The following JMJD1C variants were observed in gnomAD, a reference collection of about 807,000 sequenced individuals.
JMJD1C encodes the protein jumonji domain containing 1C.
Under a neutral mutation model 245.3 loss-of-function variants are expected in JMJD1C, and 31 were observed. The observed-to-expected ratio is 0.13, with a 90% confidence interval of 0.09 to 0.17. The LOEUF (loss-of-function observed/expected upper bound fraction) is 0.17. Among genes scored for constraint, JMJD1C ranks in the 10% least tolerant of loss-of-function variants. The pLI is 1.00. For synonymous variants in JMJD1C, 1,057 were observed against 1,017.4 expected (o/e 1.04, Z -0.74); for missense variants, 2,691 against 3,000.2 (o/e 0.90, Z 2.41).
chr10:63,510,394 T>TA (rs1313232936), intron 1 of JMJD1C, among the ~76,000 whole-genome samples: 6 of 152,236 alleles, frequency 3.9e-5, no homozygotes, highest in Non-Finnish European at 8.8e-5. Context: ...CAAATTTTGA[T>TA]AAACTGTATT....
At chr10:63,286,076 T>C (rs1348002918) in intron 2 of JMJD1C, among the ~76,000 whole-genome samples, 1 of 152,228 alleles carries the variant, frequency 6.6e-6, no homozygotes, top group Admixed American at 6.5e-5. Context: ...ATCTGTGCTT[T>C]AACAAATTCT....
In JMJD1C at chr10:63,264,660, C is replaced by G; in HGVS notation, c.438G>C (p.Gln146His). The G allele has an allele frequency of 6.7e-7, 1 of 1,495,340 alleles. No individual in the cohort carries two copies. Among genetic ancestry groups the G allele is most frequent in the Non-Finnish European group, 9.2e-7 (1 of 1,092,194 alleles). 92.6% of individuals were successfully genotyped at this position (1,495,340 alleles called of 1,614,324 possible). The stretch of plus-strand genomic sequence containing the variant: ...ATCTAAAATTTCTTACCTGGTAGGG[C>G]TGAAAGGCACTATCTTCAGTTAAAA... ...LDFLTEDSAF[Q>H]PYQDDIDSLN... The change falls in exon 3 of 26, where the codon CAG (glutamine) becomes CAC (histidine). Residue 146 changes from glutamine to histidine, a missense_variant. Coordinates refer to ENST00000399262, the MANE Select transcript of JMJD1C (RefSeq NM_032776.3).
chr10:63,328,342 TA>T (rs1941765213), intron 2 of JMJD1C, among the ~76,000 whole-genome samples: 1 of 151,962 alleles, frequency 6.6e-6, no homozygotes, highest in Non-Finnish European at 1.5e-5. Context: ...GTCACATATA[TA>T]AAAAATTTGA....
chr10:63,240,653 G>A (rs1851368822), intron 3 of JMJD1C, among the ~76,000 whole-genome samples: 2 of 152,124 alleles, frequency 1.3e-5, no homozygotes, highest in Non-Finnish European at 2.9e-5. Context: ...AACCAGACTG[G>A]GTGTGATAAC....
In JMJD1C at chr10:63,214,768, G is replaced by C. The variant is rs763576839; in HGVS notation, c.1399C>G (p.Gln467Glu). ...QEDMIIHSSE[Q>E]STVSDHNSND... ...GAATTATGATCAGAAACTGTGGACT[G>C]TTCTGACGAATGAATAATCATATCT... Residue 467 changes from glutamine to glutamate, a missense_variant, in exon 8 of 26, where the codon CAG becomes GAG. Coordinates refer to ENST00000399262, the MANE Select transcript of JMJD1C (RefSeq NM_032776.3). 6.2e-7 allele frequency: 1 copy of C among 1,613,214 alleles called. No individual in the cohort carries two copies. The highest frequency in any genetic ancestry group is 1.1e-5 in the South Asian group (1 of 91,044).
intron 2 of JMJD1C, among the ~76,000 whole-genome samples, chr10:63,305,680 G>GTGTGTGTA: frequency 7.3e-6 from 1 of 137,078 alleles, no homozygotes; most frequent in Non-Finnish European, 1.5e-5. Context: ...GTGTGTGTGT[G>GTGTGTGTA]TGTTGAAAGA....
chr10:63,454,834 G>A (rs1187993830), intron 1 of JMJD1C, among the ~76,000 whole-genome samples: 1 of 152,114 alleles, frequency 6.6e-6, no homozygotes, highest in Non-Finnish European at 1.5e-5. Context: ...GTATCCTCAT[G>A]GTGTAGTTTC....
At chr10:63,473,492 C>T (rs148581893) in intron 1 of JMJD1C, among the ~76,000 whole-genome samples, 3,251 of 151,934 alleles carry the variant, frequency 0.021, 54 homozygotes, top group Non-Finnish European at 0.033. Flanking sequence ...AGTGATCCTC[C>T]CACCTTGGCC....
intron 4 of JMJD1C, among the ~76,000 whole-genome samples, chr10:63,218,110 T>A (rs1441087594): frequency 1.3e-5 from 2 of 152,040 alleles, no homozygotes; most frequent in African/African-American, 4.8e-5. Context: ...CCTTAATAAT[T>A]TACAAAGTGC....
At chr10:63,517,360 A>G (rs1223026865) in intron 1 of JMJD1C, among the ~76,000 whole-genome samples, 2 of 152,204 alleles carry the variant, frequency 1.3e-5, no homozygotes, top group Non-Finnish European at 2.9e-5. Context: ...TGCTTTTAAC[A>G]GTCTAATTAC....
At chr10:63,313,570 A>AT (rs1473879797) in intron 2 of JMJD1C, among the ~76,000 whole-genome samples, 1 of 152,180 alleles carries the variant, frequency 6.6e-6, no homozygotes, top group African/African-American at 2.4e-5. Flanking sequence ...CGGTGTAAGA[A>AT]TGTTCCCTTT....
intron 2 of JMJD1C, among the ~76,000 whole-genome samples, chr10:63,280,288 G>A (rs747308193): frequency 5.3e-5 from 8 of 152,154 alleles, no homozygotes; most frequent in African/African-American, 1.7e-4. Flanking sequence ...GGTTGCTCAC[G>A]CCTGTAATCC....
intron 1 of JMJD1C, among the ~76,000 whole-genome samples, chr10:63,443,108 G>A (rs1043620819): frequency 6.6e-6 from 1 of 152,228 alleles, no homozygotes; most frequent in Non-Finnish European, 1.5e-5. Flanking sequence ...GTAATTTGGT[G>A]CAATAACTCA....
At chr10:63,184,032 A>G (rs1843801710) in intron 21 of JMJD1C, among the ~76,000 whole-genome samples, 2 of 123,646 alleles carry the variant, frequency 1.6e-5, no homozygotes, top group South Asian at 5.9e-4. Flanking sequence ...GGTTCAAGCA[A>G]TTCTCCTGCC....
intron 3 of JMJD1C, among the ~76,000 whole-genome samples, chr10:63,243,291 C>G (rs1197391621): frequency 6.6e-6 from 1 of 151,766 alleles, no homozygotes; most frequent in Non-Finnish European, 1.5e-5. Context: ...CTTTGGGAGG[C>G]TGAGGTGGGA....
chr10:63,228,222 TA>T (rs1398123237), intron 3 of JMJD1C, among the ~76,000 whole-genome samples: 1 of 145,720 alleles, frequency 6.9e-6, no homozygotes, highest in Non-Finnish European at 1.6e-5. Flanking sequence ...AAAAATACCA[TA>T]AAAATACATA....
chr10:63,496,594 C>T (rs1229355097), intron 1 of JMJD1C, among the ~76,000 whole-genome samples: 3 of 152,236 alleles, frequency 2.0e-5, no homozygotes, highest in African/African-American at 7.2e-5. Flanking sequence ...CTTGAGTCTT[C>T]TTCAGCTTTC....
intron 2 of JMJD1C, among the ~76,000 whole-genome samples, chr10:63,274,880 T>C (rs10995487): frequency 0.078 from 11,864 of 152,020 alleles, 700 homozygotes; most frequent in East Asian, 0.29. Flanking sequence ...GAGAACGGAA[T>C]ACAGTAATCA....
chr10:63,243,126 A>AATAT lies in JMJD1C; in HGVS notation c.447+21521_447+21524dup, dbSNP rs1465914840. On this transcript the variant is annotated intron_variant, in intron 3 of 25. Transcript: ENST00000399262. ...AATTATATATATATATATATATATAAATATATATATGGCTAGATAGGTATC... is the reference window on the plus strand; with the variant it reads ...AATTATATATATATATATATATATAAATATATATATATATGGCTAGATAGGTATC... 1.1e-3 allele frequency among the ~76,000 whole-genome samples: 48 copies of AATAT among 43,058 alleles called. 2 individuals are homozygous for AATAT. Among genetic ancestry groups the AATAT allele is most frequent in the African/African-American group, 2.7e-3 (44 of 16,276 alleles). The allele number at this position is 43,058 out of a possible 152,430, so 28.2% of individuals were successfully genotyped here. A position where few individuals can be genotyped will look rare whatever the true frequency, so the allele number is the denominator to read the frequency against.
Sources: gnomAD v4.1 joint callset for allele counts (sites outside exome capture counted in the v4.1 genomes callset) on GRCh38, gnomAD v4.1.1 for gene constraint, MANE v1.5 for transcripts, NCBI Gene and HGNC (gene_info 2026-07-23, HGNC 2026-07-21) for gene names.